NBDY: variants seen among roughly 807,000 people sequenced by gnomAD.
The protein encoded by NBDY is P-body dissociating protein.
chrX:56,782,755 G>A (rs894453203), intron 2 of NBDY, among the ~76,000 whole-genome samples: 5 of 111,451 alleles, frequency 4.5e-5, no homozygotes, highest in Non-Finnish European at 7.5e-5. Flanking sequence ...CATTGATCCG[G>A]ATTTCAGTTT....
intron 2 of NBDY, among the ~76,000 whole-genome samples, chrX:56,735,872 T>A (rs1486173734): frequency 9.1e-6 from 1 of 109,387 alleles, no homozygotes; most frequent in East Asian, 2.9e-4. Flanking sequence ...TATCAAGTGA[T>A]TTAGTTGTCT....
chrX:56,803,674 G>A (rs1043686570), intron 2 of NBDY, among the ~76,000 whole-genome samples: 4 of 111,913 alleles, frequency 3.6e-5, no homozygotes, highest in African/African-American at 1.3e-4. Context: ...GCTGAAGTCT[G>A]TGCCTGTCAG....
intron 1 of NBDY, among the ~76,000 whole-genome samples, chrX:56,730,513 C>CAAAAAAAAAAAAAAAAAAAAA (rs1157131797): frequency 8.9e-5 from 1 of 11,207 alleles, no homozygotes; most frequent in African/African-American, 2.3e-4. Context: ...AACTACGTCT[C>CAAAAAAAAAAAAAAAAAAAAA]AAAAAAAAAA....
chrX:56,809,941 AG>A (rs2069876590), intron 2 of NBDY, among the ~76,000 whole-genome samples: 1 of 111,902 alleles, frequency 8.9e-6, no homozygotes, highest in Non-Finnish European at 1.9e-5. Context: ...CTTGTAAGGC[AG>A]GCCTGGTGGT....
intron 2 of NBDY, among the ~76,000 whole-genome samples, chrX:56,750,284 T>G (rs1333499422): frequency 9.0e-6 from 1 of 111,577 alleles, no homozygotes; most frequent in Non-Finnish European, 1.9e-5. Flanking sequence ...TAAAATTCTC[T>G]GCTTTCTTCC....
chrX:56,730,238 G>A (rs1232985617), intron 1 of NBDY, among the ~76,000 whole-genome samples: 1 of 108,996 alleles, frequency 9.2e-6, no homozygotes, highest in Non-Finnish European at 1.9e-5. Context: ...GTAGGGGGGC[G>A]GACGCGGTGG....
intron 2 of NBDY, among the ~76,000 whole-genome samples, chrX:56,803,130 G>A (rs1170818315): frequency 9.0e-6 from 1 of 110,813 alleles, no homozygotes; most frequent in Non-Finnish European, 1.9e-5. Context: ...TGGTGGCGGT[G>A]TGGGGCCCCC....
At chrX:56,782,831 C>CCACAGA (rs1432555567) in intron 2 of NBDY, among the ~76,000 whole-genome samples, 1 of 111,884 alleles carries the variant, frequency 8.9e-6, no homozygotes, top group Non-Finnish European at 1.9e-5. Context: ...CACCCACAGA[C>CCACAGA]CACAGACACA....
At chrX:56,748,524 A>G (rs1410848214) in intron 2 of NBDY, among the ~76,000 whole-genome samples, 1 of 108,804 alleles carries the variant, frequency 9.2e-6, no homozygotes, top group Non-Finnish European at 1.9e-5. Flanking sequence ...AATCTAGAAG[A>G]AGGTATATAT....
At chrX:56,800,831 C>G (rs2069818501) in intron 2 of NBDY, among the ~76,000 whole-genome samples, 1 of 111,043 alleles carries the variant, frequency 9.0e-6, no homozygotes, top group Non-Finnish European at 1.9e-5. Flanking sequence ...ATCAGAAGGA[C>G]CCGGGCTGAA....
rs2069922658 is a variant in NBDY at position 56,818,958 on chromosome X, G to A, written c.*1805G>A. 2 of 101,426 alleles carry A rather than the reference G, an allele frequency of 2.0e-5. No individual in the cohort carries two copies. The highest frequency in any genetic ancestry group is 3.6e-5 in the African/African-American group (1 of 27,846). 8.4% of individuals were successfully genotyped at this position (101,426 alleles called of 1,213,427 possible). A position where few individuals can be genotyped will look rare whatever the true frequency, so the allele number is the denominator to read the frequency against. ...GGGAAATAACTATTTTCAATAAATGGTACTGGGACAACTTGGTATCTACAT... is the reference window on the plus strand; with the variant it reads ...GGGAAATAACTATTTTCAATAAATGATACTGGGACAACTTGGTATCTACAT... On this transcript the variant is annotated 3_prime_UTR_variant, in exon 3 of 3. Coordinates refer to ENST00000374922, the MANE Select transcript of NBDY (RefSeq NM_001348129.2).
chrX:56,787,883 G>A (rs941025110), intron 2 of NBDY, among the ~76,000 whole-genome samples: 4 of 112,559 alleles, frequency 3.6e-5, no homozygotes, highest in Admixed American at 9.3e-5. Flanking sequence ...ATCCCAAGTT[G>A]GCAAACTCTA....
intron 2 of NBDY, among the ~76,000 whole-genome samples, chrX:56,781,383 G>T (rs188720662): frequency 8.9e-6 from 1 of 111,871 alleles, no homozygotes; most frequent in East Asian, 2.8e-4. Context: ...TGGGGTTGAG[G>T]TGTGGGCAGC....
chrX:56,797,928 C>T (rs1451952300), intron 2 of NBDY, among the ~76,000 whole-genome samples: 1 of 112,068 alleles, frequency 8.9e-6, no homozygotes, highest in Non-Finnish European at 1.9e-5. Context: ...GACACACACA[C>T]GCAGGCACAC....
At chrX:56,811,847 C>T (rs1366855528) in intron 2 of NBDY, among the ~76,000 whole-genome samples, 1 of 111,848 alleles carries the variant, frequency 8.9e-6, no homozygotes, top group Non-Finnish European at 1.9e-5. Flanking sequence ...TCTGCCCAAA[C>T]GGCCACCCAG....
chrX:56,766,779 G>A (rs969428172), intron 2 of NBDY, among the ~76,000 whole-genome samples: 8 of 111,877 alleles, frequency 7.2e-5, no homozygotes, highest in Non-Finnish European at 1.5e-4. Flanking sequence ...TGCTTAAAAA[G>A]GGCCCCCAAG....
chrX:56,744,751 A>G (rs2069548305), intron 2 of NBDY, among the ~76,000 whole-genome samples: 1 of 111,778 alleles, frequency 8.9e-6, no homozygotes, highest in African/African-American at 3.2e-5. Context: ...GCCTGGTAAC[A>G]TGAAGAGTAA....
chrX:56,750,853 A>G (rs1484741312), intron 2 of NBDY, among the ~76,000 whole-genome samples: 1 of 111,580 alleles, frequency 9.0e-6, no homozygotes, highest in African/African-American at 3.3e-5. Flanking sequence ...CTGAATGACA[A>G]TAATAGTTTT....
intron 2 of NBDY, among the ~76,000 whole-genome samples, chrX:56,815,476 G>C: frequency 9.0e-6 from 1 of 111,659 alleles, no homozygotes; most frequent in East Asian, 2.8e-4. Flanking sequence ...TATGATAACA[G>C]GTATTTCTTG....
Sources: gnomAD v4.1 joint callset for allele counts (sites outside exome capture counted in the v4.1 genomes callset) on GRCh38, gnomAD v4.1.1 for gene constraint, MANE v1.5 for transcripts, NCBI Gene and HGNC (gene_info 2026-07-23, HGNC 2026-07-21) for gene names.